DNER: variants seen among roughly 807,000 people sequenced by gnomAD.
The protein encoded by DNER is delta and Notch-like epidermal growth factor-related receptor.
In DNER, 33 loss-of-function variants were observed where a neutral mutation model predicts 78.2. The observed-to-expected ratio is 0.42, with a 90% CI of 0.32 to 0.56. The LOEUF is 0.56. Among genes scored for constraint, DNER ranks in the 20% least tolerant of loss-of-function variants. DNER has a pLI of 0.11. For synonymous variants in DNER, 417 were observed against 384.8 expected, an observed-to-expected ratio of 1.08 and a Z score of -0.98; for missense variants, 918 against 975.3, an observed-to-expected ratio of 0.94 and a Z score of 0.78.
rs115260707 is a variant in DNER, at chr2:229,413,049, A to G, written c.1609+5059T>C. ...ATTATTATTTATATGGAATTTACTT[A>G]GAAGTCTAAGAACTTTTTTTTTCTT... On this transcript the variant is annotated intron_variant, in intron 9 of 12. Coordinates refer to ENST00000341772, the MANE Select transcript of DNER (RefSeq NM_139072.4). Among the ~76,000 whole-genome samples the G allele has an allele frequency of 5.7e-3, 875 of 152,294 alleles. 14 individuals carry two copies. Among genetic ancestry groups the G allele is most frequent in the African/African-American group, 0.02 (830 of 41,564 alleles).
chr2:229,700,337 ATTT>A (rs373414789), intron 1 of DNER, among the ~76,000 whole-genome samples: 3 of 125,030 alleles, frequency 2.4e-5, no homozygotes, highest in Non-Finnish European at 5.1e-5. Context: ...TCAGTGCAAC[ATTT>A]TTTTTTTTTT....
chr2:229,553,430 A>G (rs1418970851), intron 4 of DNER, among the ~76,000 whole-genome samples: 2 of 152,222 alleles, frequency 1.3e-5, no homozygotes, highest in Non-Finnish European at 1.5e-5. Context: ...GAGAGAAGGA[A>G]GCCCTGCGAA....
At chr2:229,703,368 A>G (rs1193359292) in intron 1 of DNER, among the ~76,000 whole-genome samples, 1 of 152,230 alleles carries the variant, frequency 6.6e-6, no homozygotes, top group African/African-American at 2.4e-5. Context: ...AAAACTACCC[A>G]TACATTGCAC....
intron 1 of DNER, among the ~76,000 whole-genome samples, chr2:229,682,214 T>G (rs1309534813): frequency 6.6e-6 from 1 of 152,088 alleles, no homozygotes; most frequent in African/African-American, 2.4e-5. Context: ...CCACAATCTC[T>G]CCCAAACTCC....
Position 229,677,694 on chromosome 2 carries a change from T to G in DNER, c.276+36454A>C, listed in dbSNP as rs62193188. Reference sequence around the variant, plus strand: ...GGTTCTATGAAGCATGATGTAAGTTTCAAAGTGTTACTGTCTCTAATACGC... The same window carrying G: ...GGTTCTATGAAGCATGATGTAAGTTGCAAAGTGTTACTGTCTCTAATACGC... On this transcript the variant is annotated intron_variant, in intron 1 of 12. Transcript: ENST00000341772. Among the ~76,000 whole-genome samples, 931 of 152,374 alleles carry G rather than the reference T, an allele frequency of 6.1e-3. 4 individuals carry two copies. Among genetic ancestry groups the G allele is most frequent in the Non-Finnish European group, 9.9e-3 (675 of 68,032 alleles).
Position 229,403,317 on chromosome 2 carries a change from G to A in DNER, c.1723+3915C>T, listed in dbSNP as rs144384461. Among the ~76,000 whole-genome samples, 1,116 of 152,164 alleles carry A rather than the reference G, an allele frequency of 7.3e-3. 6 individuals carry two copies. The highest frequency in any genetic ancestry group is 0.012 in the Non-Finnish European group (812 of 68,004). On this transcript the variant is annotated intron_variant, in intron 10 of 12. Coordinates refer to ENST00000341772, the MANE Select transcript of DNER (RefSeq NM_139072.4). The stretch of plus-strand genomic sequence containing the variant: ...TCTCCTGTGGAACACTAGTTCTCAG[G>A]AACAATAGATTCTCTTTAAGGAAAA...
At chr2:229,502,792 C>A (rs1047997066) in intron 6 of DNER, among the ~76,000 whole-genome samples, 1 of 152,180 alleles carries the variant, frequency 6.6e-6, no homozygotes, top group African/African-American at 2.4e-5. Flanking sequence ...GTAACTGAAA[C>A]AATGGTTGCC....
chr2:229,378,029 T>G (rs1268346675), intron 11 of DNER, among the ~76,000 whole-genome samples: 1 of 151,956 alleles, frequency 6.6e-6, no homozygotes, highest in South Asian at 2.1e-4. Context: ...GAGTTGACAA[T>G]TGAGTGATGA....
chr2:229,399,457 T>C (rs1037471115), intron 10 of DNER, among the ~76,000 whole-genome samples: 2 of 152,038 alleles, frequency 1.3e-5, no homozygotes, highest in African/African-American at 4.8e-5. Flanking sequence ...ATAGTAAAGA[T>C]ATTGATTCTT....
intron 1 of DNER, among the ~76,000 whole-genome samples, chr2:229,694,166 G>A (rs1414859182): frequency 6.6e-6 from 1 of 152,250 alleles, no homozygotes; most frequent in Non-Finnish European, 1.5e-5. Flanking sequence ...TTGAGCCTGT[G>A]GGTGCACAGA....
intron 5 of DNER, among the ~76,000 whole-genome samples, chr2:229,520,588 T>C (rs777541607): frequency 2.6e-5 from 4 of 152,238 alleles, no homozygotes; most frequent in Non-Finnish European, 5.9e-5. Context: ...TGTTTATATA[T>C]GTTTGAGATT....
intron 7 of DNER, among the ~76,000 whole-genome samples, chr2:229,450,715 G>T (rs1341342017): frequency 1.3e-5 from 2 of 152,182 alleles, no homozygotes; most frequent in Admixed American, 1.3e-4. Flanking sequence ...TTGTGAGGAG[G>T]AAGCAAGAGG....
chr2:229,506,886 G>A (rs193107513), intron 6 of DNER, among the ~76,000 whole-genome samples: 18 of 152,238 alleles, frequency 1.2e-4, no homozygotes, highest in East Asian at 5.8e-4. Flanking sequence ...CATGCATTGC[G>A]TAATGATGGG....
At chr2:229,478,614 T>C (rs1390444051) in intron 6 of DNER, among the ~76,000 whole-genome samples, 1 of 151,492 alleles carries the variant, frequency 6.6e-6, no homozygotes, top group African/African-American at 2.4e-5. Context: ...TAAGGGAGAG[T>C]GAATTGTTTT....
At chr2:229,399,428 A>C (rs1375945644) in intron 10 of DNER, among the ~76,000 whole-genome samples, 1 of 152,040 alleles carries the variant, frequency 6.6e-6, no homozygotes, top group African/African-American at 2.4e-5. Context: ...CACTGTGTTC[A>C]TGAATTGGAA....
At chr2:229,604,251 A>G (rs889479666) in intron 1 of DNER, among the ~76,000 whole-genome samples, 2 of 152,242 alleles carry the variant, frequency 1.3e-5, no homozygotes, top group Non-Finnish European at 2.9e-5. Flanking sequence ...AGGACAAATG[A>G]CATGCTCTTT....
chr2:229,540,104 A>G (rs1020321664), intron 5 of DNER, among the ~76,000 whole-genome samples: 1 of 152,234 alleles, frequency 6.6e-6, no homozygotes, highest in African/African-American at 2.4e-5. Flanking sequence ...GGAAAATTCT[A>G]CAGTACTTCA....
chr2:229,363,022 GGCACTTCTA>G (rs1289881490), intron 12 of DNER, among the ~76,000 whole-genome samples: 3 of 152,208 alleles, frequency 2.0e-5, no homozygotes, highest in Admixed American at 2.0e-4. Context: ...CCCGTGATCA[GGCACTTCTA>G]GCTCGTAGAG....
At chr2:229,367,282 C>T (rs540386236) in intron 11 of DNER, among the ~76,000 whole-genome samples, 163 bp from the exon 12 acceptor site, 1 of 152,234 alleles carries the variant, frequency 6.6e-6, no homozygotes, top group Non-Finnish European at 1.5e-5. Flanking sequence ...ATCCTTACTA[C>T]ATAAGGACTT....
Sources: allele counts gnomAD v4.1 joint callset (sites outside exome capture counted in the v4.1 genomes callset), GRCh38; gene constraint gnomAD v4.1.1; transcripts MANE v1.5; gene names NCBI Gene and HGNC (gene_info 2026-07-23, HGNC 2026-07-21).